Variants in KLHL5 observed in about 807,000 individuals in gnomAD.
KLHL5 encodes the protein kelch-like protein 5.
Under a neutral mutation model 77.7 loss-of-function variants are expected in KLHL5, and 48 were observed. That is an observed-to-expected ratio of 0.62 (90% CI 0.49 to 0.79). The LOEUF is 0.79. Among genes scored for constraint, KLHL5 ranks in the 30% least tolerant of loss-of-function variants. The probability of loss-of-function intolerance (pLI) is 0.00; values close to 1 mark genes in which losing one functional copy is unlikely to be tolerated. For missense variants in KLHL5, 723 were observed against 859.7 expected (o/e 0.84, Z 1.99); for synonymous variants, 260 against 297.0 (o/e 0.88, Z 1.28).
Position 39,115,140 on chromosome 4 carries a change from T to C in KLHL5, c.1902-19T>C, listed in dbSNP as rs765816877. On this transcript the variant is annotated intron_variant, in intron 9 of 10. Coordinates refer to ENST00000504108, the MANE Select transcript of KLHL5 (RefSeq NM_015990.5). ...ATTTTAAGAATAATGTCAGCTCCGG[T>C]TCTAAAATTTTCTTACAGATATGAT... 3.1e-6 allele frequency: 5 copies of C among 1,590,054 alleles called. No homozygotes were observed. Among genetic ancestry groups the C allele is most frequent in the African/African-American group, 2.7e-5 (2 of 73,548 alleles).
chr4:39,095,395 GACA>G (rs764537156), intron 5 of KLHL5, among the ~76,000 whole-genome samples: 2 of 151,996 alleles, frequency 1.3e-5, no homozygotes, highest in Non-Finnish European at 2.9e-5. Flanking sequence ...TGGAAAATCT[GACA>G]ACATTGATCA....
chr4:39,118,069 A>AAC (rs1722970170), intron 10 of KLHL5, among the ~76,000 whole-genome samples: 1 of 151,874 alleles, frequency 6.6e-6, no homozygotes, highest in Non-Finnish European at 1.5e-5. Flanking sequence ...TAAAAAAAAA[A>AAC]AAAAAAAGTA....
Position 39,113,081 on chromosome 4 carries a change from C to G in KLHL5, c.1750C>G (p.Pro584Ala), listed in dbSNP as rs1314956311. The G allele has an allele frequency of 6.2e-7, 1 of 1,613,828 alleles. No homozygotes were observed. Among genetic ancestry groups the G allele is most frequent in the Admixed American group, 1.7e-5 (1 of 59,980 alleles). Reference sequence around the variant, plus strand: ...TCTCAAATCAGTAGAATGTTTTGATCCTCATACTAATAAGTGGACACTGTG... The same window carrying G: ...TCTCAAATCAGTAGAATGTTTTGATGCTCATACTAATAAGTGGACACTGTG... ...SCLKSVECFD[P>A]HTNKWTLCAQ... Residue 584 changes from proline to alanine, a missense_variant, in exon 9 of 11, where the codon CCT becomes GCT. Around this residue, in one of 3 missense-constraint regions of KLHL5, gnomAD observed 214 missense variants for 237.4 expected, o/e 0.90. Transcript: ENST00000504108.
At position 39,081,216 on chromosome 4, in the gene KLHL5, C is replaced by G; in HGVS notation, c.680C>G (p.Ser227Cys). Residue 227 changes from serine to cysteine, a missense_variant, in exon 3 of 11, where the codon TCC becomes TGC. Ser to Cys is a moderately radical substitution (Grantham distance 112). Around this residue, in one of 3 missense-constraint regions of KLHL5, gnomAD observed 288 missense variants for 400.3 expected, o/e 0.72. Coordinates refer to ENST00000504108, the MANE Select transcript of KLHL5 (RefSeq NM_015990.5). The surrounding 1 kb of genome is among the most constrained non-coding windows in gnomAD (Gnocchi z 4.3). Reference sequence around the variant, plus strand: ...GGTGTAGAACCAAATTCGTTGTGGTCCTTGATCCAGTATGCTTATACAGGT... The same window carrying G: ...GGTGTAGAACCAAATTCGTTGTGGTGCTTGATCCAGTATGCTTATACAGGT... ...MEGVEPNSLW[S>C]LIQYAYTGRL... The G allele has an allele frequency of 3.1e-6, 5 of 1,611,784 alleles. No homozygotes were observed. Among genetic ancestry groups the G allele is most frequent in the Non-Finnish European group, 4.2e-6 (5 of 1,178,980 alleles).
chr4:39,052,708 T>C (rs1716741545), intron 1 of KLHL5, among the ~76,000 whole-genome samples: 1 of 152,164 alleles, frequency 6.6e-6, no homozygotes, highest in African/African-American at 2.4e-5. Context: ...TTGCCTTTCT[T>C]TGGGGAGCTA....
chr4:39,123,772 A>C lies in KLHL5; in HGVS notation c.*2706A>C, dbSNP rs896076376. Among the ~76,000 whole-genome samples, 1 of 152,146 alleles carries C rather than the reference A, an allele frequency of 6.6e-6. No homozygotes were observed. Among genetic ancestry groups the C allele is most frequent in the Admixed American group, 6.6e-5 (1 of 15,264 alleles). ...AACAACATAATAGCAAAACATTGAA[A>C]ATTTTTCCCCTAATATCATGAAAAT... On this transcript the variant is annotated 3_prime_UTR_variant, in exon 11 of 11. Transcript: ENST00000504108.
Position 39,103,388 on chromosome 4 carries a change from G to A in KLHL5, c.1402G>A (p.Asp468Asn). 6.2e-7 allele frequency: 1 copy of A among 1,614,182 alleles called. No homozygotes were observed. Among genetic ancestry groups the A allele is most frequent in the Non-Finnish European group, 8.5e-7 (1 of 1,180,014 alleles). ...ACAGTTCGGTGTTGCAGTGCTAGAT[G>A]ACAAACTGTATGTGGTTGGAGGAAG... is the stretch of plus-strand genomic sequence containing the variant. Reference protein sequence around the residue: ...RLQFGVAVLDDKLYVVGGRDG... With the variant: ...RLQFGVAVLDNKLYVVGGRDG... Residue 468 changes from aspartate (D) to asparagine (N), a missense_variant, in exon 7 of 11, where the codon GAC becomes AAC. Transcript: ENST00000504108.
In KLHL5 at chr4:39,062,369, C is replaced by CG. The variant is rs1309990986; in HGVS notation, c.-281dup. 1 of 1,438,062 alleles carries CG rather than the reference C, an allele frequency of 7.0e-7. No individual in the cohort carries two copies. Among genetic ancestry groups the CG allele is most frequent in the African/African-American group, 1.4e-5 (1 of 69,600 alleles). 89.1% of individuals were successfully genotyped at this position (1,438,062 alleles called of 1,614,324 possible). On this transcript the variant is annotated 5_prime_UTR_variant, in exon 1 of 11. It introduces an in-frame stop codon into an upstream open reading frame of the 5' UTR. Coordinates refer to ENST00000504108, the MANE Select transcript of KLHL5 (RefSeq NM_015990.5). ...AATGGTCAGTATGGGAAAGGAGAGC[C>CG]GGGAAAGTGGTCTAGCTGCTTCAGG...
upstream of KLHL5, among the ~76,000 whole-genome samples, chr4:39,058,361 C>T (rs756931960): frequency 9.9e-5 from 15 of 152,136 alleles, no homozygotes; most frequent in Non-Finnish European, 1.5e-4. Context: ...AGCCAGGCAG[C>T]GTGGCTGTAA....
chr4:39,109,560 A>G (rs1577733908), intron 8 of KLHL5, among the ~76,000 whole-genome samples: 1 of 151,706 alleles, frequency 6.6e-6, no homozygotes, highest in South Asian at 2.1e-4. Flanking sequence ...TGGCCTCCCT[A>G]AGTGCTGGGA....
At chr4:39,113,464 G>A (rs903416033) in intron 9 of KLHL5, among the ~76,000 whole-genome samples, 2 of 152,160 alleles carry the variant, frequency 1.3e-5, no homozygotes, top group Admixed American at 1.3e-4. Flanking sequence ...ATGGGATATT[G>A]GACCTAATAA....
chr4:39,123,062 A>G lies in KLHL5; in HGVS notation c.*1996A>G, dbSNP rs974784487. On this transcript the variant is annotated 3_prime_UTR_variant, in exon 11 of 11. Coordinates refer to ENST00000504108, the MANE Select transcript of KLHL5 (RefSeq NM_015990.5). Reference sequence around the variant, plus strand: ...ATACATATTAGATGAATTGCATGGTATTTTAGGCAACTTAACTATAAACAA... The same window carrying G: ...ATACATATTAGATGAATTGCATGGTGTTTTAGGCAACTTAACTATAAACAA... 1.3e-5 allele frequency among the ~76,000 whole-genome samples: 2 copies of G among 152,180 alleles called. No homozygotes were observed. Among genetic ancestry groups the G allele is most frequent in the African/African-American group, 4.8e-5 (2 of 41,452 alleles).
chr4:39,102,830 C>T (rs939439007), intron 6 of KLHL5, among the ~76,000 whole-genome samples: 7 of 152,204 alleles, frequency 4.6e-5, no homozygotes, highest in African/African-American at 1.7e-4. Flanking sequence ...CTCCCAGTCA[C>T]GTCTCAACCA....
rs769317789 is a variant in KLHL5, at chr4:39,081,209, T to C, written c.673T>C (p.Leu225=). The change falls in exon 3 of 11, where the codon TTG becomes CTG. Residue 225 remains leucine, a synonymous_variant. Transcript: ENST00000504108. This position sits in a 1 kb window ranked among gnomAD's most constrained non-coding sequence, Gnocchi z 4.3. ...IKMEGVEPNS[L]WSLIQYAYTG... ...AATGGAAGGTGTAGAACCAAATTCG[T>C]TGTGGTCCTTGATCCAGTATGCTTA... is the stretch of plus-strand genomic sequence containing the variant. 5.0e-6 allele frequency: 8 copies of C among 1,612,620 alleles called. No individual in the cohort carries two copies. The highest frequency in any genetic ancestry group is 5.9e-6 in the Non-Finnish European group (7 of 1,179,428).
At chr4:39,131,900 A>G in the KLHL5 span, among the ~76,000 whole-genome samples, 6 of 152,052 alleles carry the variant, frequency 3.9e-5, no homozygotes, top group Non-Finnish European at 5.9e-5. Context: ...AAAAAAAAAA[A>G]AAAGAAAAAA....
chr4:39,048,853 A>C (rs940320286), intron 1 of KLHL5, among the ~76,000 whole-genome samples: 3 of 151,882 alleles, frequency 2.0e-5, no homozygotes, highest in Non-Finnish European at 4.4e-5. Context: ...CATGTTGACC[A>C]GCCTGATCTC....
At chr4:39,119,337 G>A (rs962016940) in intron 10 of KLHL5, among the ~76,000 whole-genome samples, 27 of 152,002 alleles carry the variant, frequency 1.8e-4, no homozygotes, top group Admixed American at 1.2e-3. Flanking sequence ...CTGTAATCCC[G>A]GCACTTTGGG....
At chr4:39,114,971 G>T (rs1399426262) in intron 9 of KLHL5, among the ~76,000 whole-genome samples, 188 bp from the exon 10 acceptor site, 2 of 152,114 alleles carry the variant, frequency 1.3e-5, no homozygotes, top group Non-Finnish European at 2.9e-5. Context: ...TCTGTTAAGT[G>T]GATCTATTAA....
chr4:39,108,565 TG>T (rs1338885699), intron 8 of KLHL5, among the ~76,000 whole-genome samples: 1 of 152,262 alleles, frequency 6.6e-6, no homozygotes, highest in East Asian at 1.9e-4. Context: ...TTCTATTTTT[TG>T]ATACTTTTTG....
Sources: gnomAD v4.1 joint callset for allele counts (sites outside exome capture counted in the v4.1 genomes callset) on GRCh38, gnomAD v4.1.1 for gene constraint, gnomAD v4.1.1 regional missense constraint, Gnocchi (gnomAD v3.1) non-coding constraint, MANE v1.5 for transcripts, NCBI Gene and HGNC (gene_info 2026-07-23, HGNC 2026-07-21) for gene names.